The following MAGI3 variants were observed in gnomAD, a reference collection of about 807,000 sequenced individuals.
The protein encoded by MAGI3 is membrane associated guanylate kinase, WW and PDZ domain containing 3, also known as membrane-associated guanylate kinase, WW and PDZ domain-containing protein 3.
Under a neutral mutation model 121.8 loss-of-function variants are expected in MAGI3, and 43 were observed. The observed-to-expected ratio is 0.35, with a 90% CI of 0.28 to 0.46. MAGI3 has a LOEUF of 0.46. MAGI3 is among the 20% of genes least tolerant of loss of function. MAGI3 has a pLI of 1.00. For missense variants in MAGI3, 1,547 were observed against 1,797.3 expected, an observed-to-expected ratio of 0.86 and a Z score of 2.52; for synonymous variants, 553 against 639.3, an observed-to-expected ratio of 0.86 and a Z score of 2.04.
At chr1:113,465,505 T>C (rs1442243932) in intron 1 of MAGI3, among the ~76,000 whole-genome samples, 1 of 152,106 alleles carries the variant, frequency 6.6e-6, no homozygotes, top group Non-Finnish European at 1.5e-5. Context: ...TGATTCCATA[T>C]AAATGTTAAG....
chr1:113,652,969 C>G (rs150746416), intron 14 of MAGI3, among the ~76,000 whole-genome samples: 1 of 152,114 alleles, frequency 6.6e-6, no homozygotes, highest in Non-Finnish European at 1.5e-5. Flanking sequence ...TGTGTCCCAG[C>G]AAGTTGAGGG....
chr1:113,682,947 CA>C lies in MAGI3; in HGVS notation c.3380del (p.Gln1127ArgfsTer21). 1 of 1,606,966 alleles carries C rather than the reference CA, an allele frequency of 6.2e-7. No individual in the cohort carries two copies. The highest frequency in any genetic ancestry group is 8.5e-7 in the Non-Finnish European group (1 of 1,178,082). On this transcript the variant is annotated frameshift_variant, in exon 21 of 21. Transcript: ENST00000307546. LOFTEE classifies it low-confidence loss of function (END_TRUNC). The part of the protein sequence containing the change: ...PSSSNVIYDE[Q>X]SPLPPSSHFA... ...GTCTTCAAATGTGATTTATGATGAA[CA>C]GTCACCATTACCCCCATCTTCACAT...
At chr1:113,412,122 G>A (rs1466305250) in intron 1 of MAGI3, among the ~76,000 whole-genome samples, 1 of 148,906 alleles carries the variant, frequency 6.7e-6, no homozygotes, top group Non-Finnish European at 1.5e-5. Context: ...AACATGCAGT[G>A]TTTGGTTTTC....
intron 1 of MAGI3, among the ~76,000 whole-genome samples, chr1:113,409,350 A>G (rs750789552): frequency 1.3e-5 from 2 of 152,026 alleles, no homozygotes; most frequent in African/African-American, 4.8e-5. Flanking sequence ...ACTTTTAAAA[A>G]TCTTCTCTTT....
chr1:113,488,687 C>T (rs552558902), intron 1 of MAGI3, among the ~76,000 whole-genome samples: 4 of 152,250 alleles, frequency 2.6e-5, no homozygotes, highest in East Asian at 3.9e-4. Flanking sequence ...GAGTGCAGTC[C>T]GACCCCCTCC....
chr1:113,484,976 C>T (rs1656311399), intron 1 of MAGI3, among the ~76,000 whole-genome samples: 2 of 151,730 alleles, frequency 1.3e-5, no homozygotes, highest in Admixed American at 6.6e-5. Context: ...TTGTGATCTG[C>T]CGGCTTTGGC....
In MAGI3 at chr1:113,658,903, A is replaced by G. The variant is rs1344097743; in HGVS notation, c.2630-177A>G. ...AAGAGTATTTATGCATGTGGGCAAA[A>G]GTGAGAAGTATGAAAATAGTTCCGT... On this transcript the variant is annotated intron_variant, in intron 15 of 20. Coordinates refer to ENST00000307546, the MANE Select transcript of MAGI3 (RefSeq NM_001142782.2). This position sits in a 1 kb window ranked among gnomAD's most constrained non-coding sequence, Gnocchi z 4.0. Among the ~76,000 whole-genome samples, 10 of 152,234 alleles carry G rather than the reference A, an allele frequency of 6.6e-5. No individual in the cohort carries two copies. Among genetic ancestry groups the G allele is most frequent in the Non-Finnish European group, 1.2e-4 (8 of 68,044 alleles).
chr1:113,667,627 T>A (rs993286231), intron 16 of MAGI3, among the ~76,000 whole-genome samples: 1 of 152,248 alleles, frequency 6.6e-6, no homozygotes, highest in Non-Finnish European at 1.5e-5. Flanking sequence ...GAGTAATATT[T>A]ACAATTTTCT....
At chr1:113,559,135 C>T (rs1344800622) in intron 2 of MAGI3, among the ~76,000 whole-genome samples, 1 of 152,180 alleles carries the variant, frequency 6.6e-6, no homozygotes, top group Non-Finnish European at 1.5e-5. Flanking sequence ...TATGAAGCAG[C>T]CACCATAAAC....
chr1:113,662,024 A>C (rs188492971), intron 16 of MAGI3, among the ~76,000 whole-genome samples: 1 of 152,230 alleles, frequency 6.6e-6, no homozygotes, highest in East Asian at 1.9e-4. Context: ...AACTGCATTA[A>C]TGAGTCAAAT....
At chr1:113,598,453 A>G (rs1649158748) in intron 6 of MAGI3, among the ~76,000 whole-genome samples, 1 of 152,178 alleles carries the variant, frequency 6.6e-6, no homozygotes, top group Admixed American at 6.5e-5. Flanking sequence ...ACACATAAGG[A>G]TTCCTATAGA....
At chr1:113,471,818 G>A (rs543616254) in intron 1 of MAGI3, among the ~76,000 whole-genome samples, 1 of 152,198 alleles carries the variant, frequency 6.6e-6, no homozygotes, top group South Asian at 2.1e-4. Context: ...ATAATCTTAT[G>A]GGACCACTGT....
At chr1:113,645,362 G>T (rs1466730681) in intron 11 of MAGI3, among the ~76,000 whole-genome samples, 4 of 152,116 alleles carry the variant, frequency 2.6e-5, no homozygotes, top group African/African-American at 9.7e-5. Context: ...TACTACTTGG[G>T]TCCAGTGTGA....
chr1:113,654,953 A>G (rs991601483), intron 15 of MAGI3, among the ~76,000 whole-genome samples: 1 of 152,226 alleles, frequency 6.6e-6, no homozygotes, highest in Non-Finnish European at 1.5e-5. Flanking sequence ...GAGCCAAATC[A>G]GTTTGCAAAA....
chr1:113,423,734 T>G (rs982873548), intron 1 of MAGI3, among the ~76,000 whole-genome samples: 1 of 152,190 alleles, frequency 6.6e-6, no homozygotes, highest in Non-Finnish European at 1.5e-5. Flanking sequence ...CAGCCCGGCC[T>G]CCAGGCTTCA....
intron 1 of MAGI3, among the ~76,000 whole-genome samples, chr1:113,397,470 G>A (rs972751267): frequency 1.3e-5 from 2 of 152,068 alleles, no homozygotes; most frequent in Non-Finnish European, 2.9e-5. Flanking sequence ...AGCAGAGGAG[G>A]AGAAAAACAC....
chr1:113,672,580 A>C (rs1467633583), intron 17 of MAGI3, 35 bp from the exon 18 acceptor site: 3 of 1,583,308 alleles, frequency 1.9e-6, no homozygotes, highest in Non-Finnish European at 2.6e-6. Flanking sequence ...TCATTTTCTC[A>C]GTTCAGAGAG....
Position 113,642,196 on chromosome 1 carries a change from C to T in MAGI3, c.1646C>T (p.Thr549Ile). The change falls in exon 10 of 21, where the codon ACT becomes ATT. Residue 549 changes from threonine (T) to isoleucine (I), a missense_variant. Physicochemically the swap from Thr to Ile is moderately conservative, Grantham distance 89 (BLOSUM62 -1). Coordinates refer to ENST00000307546, the MANE Select transcript of MAGI3 (RefSeq NM_001142782.2). ...EQNGKSGHTL[T>I]GDGLNGPSDA... ...AATGGAAAATCGGGACACACTTTGA[C>T]TGGTGATGGTCTCAATGGACCATCA... The T allele has an allele frequency of 6.2e-7, 1 of 1,614,156 alleles. No homozygotes were observed. Among genetic ancestry groups the T allele is most frequent in the Non-Finnish European group, 8.5e-7 (1 of 1,180,034 alleles).
intron 1 of MAGI3, among the ~76,000 whole-genome samples, chr1:113,531,006 A>G (rs920606553): frequency 1.3e-5 from 2 of 152,230 alleles, no homozygotes; most frequent in Non-Finnish European, 2.9e-5. Context: ...GCAGAAATAT[A>G]TGGTGTCATA....
Sources: gnomAD v4.1 joint callset for allele counts (sites outside exome capture counted in the v4.1 genomes callset) on GRCh38, gnomAD v4.1.1 for gene constraint, Gnocchi (gnomAD v3.1) non-coding constraint, MANE v1.5 for transcripts, NCBI Gene and HGNC (gene_info 2026-07-23, HGNC 2026-07-21) for gene names.